Variants in NECAP2 observed in about 807,000 individuals in gnomAD.
NECAP2 encodes NECAP endocytosis associated 2.
In NECAP2, 38 loss-of-function variants were observed where a neutral mutation model predicts 37.8. The ratio of observed to expected loss-of-function variants is 1.01; its 90% CI spans 0.78 to 1.32. The LOEUF is 1.32. NECAP2 is among the 40% of genes most tolerant of loss of function. NECAP2 has a pLI of 0.00. For synonymous variants in NECAP2, 121 were observed against 127.7 expected (o/e 0.95, Z 0.35); for missense variants, 316 against 334.5 (o/e 0.94, Z 0.43).
chr1:16,449,860 A>G (rs942286115), intron 5 of NECAP2: 10 of 212,668 alleles, frequency 4.7e-5, no homozygotes, highest in African/African-American at 2.1e-4. Context: ...TCATAGGAAC[A>G]GGTTGGGCTG....
intron 1 of NECAP2, among the ~76,000 whole-genome samples, chr1:16,443,039 T>G (rs1403666481): frequency 6.6e-6 from 1 of 152,258 alleles, no homozygotes; most frequent in Non-Finnish European, 1.5e-5. Context: ...TTCTGGTGAT[T>G]GTTCCATGCT....
At chr1:16,458,819 C>T in intron 7 of NECAP2, 23 bp from the exon 8 acceptor site, 2 of 1,612,994 alleles carry the variant, frequency 1.2e-6, no homozygotes, top group African/African-American at 2.7e-5. Context: ...ACTCCCCCAC[C>T]CTTCCCTGTC....
At chr1:16,455,915 G>A (rs538462677) in intron 7 of NECAP2, 22 bp downstream of exon 7, 11 of 1,596,170 alleles carry the variant, frequency 6.9e-6, no homozygotes, top group South Asian at 5.5e-5. Context: ...CATGTTCTGC[G>A]GAGGGGCTGG....
intron 7 of NECAP2, among the ~76,000 whole-genome samples, chr1:16,457,763 A>AT (rs1260669668): frequency 3.1e-5 from 4 of 129,926 alleles, no homozygotes; most frequent in African/African-American, 9.2e-5. Context: ...CCTAGGCTGG[A>AT]GTGCAGTGGC....
At chr1:16,452,448 T>C (rs1292346332) in intron 6 of NECAP2, among the ~76,000 whole-genome samples, 1 of 152,070 alleles carries the variant, frequency 6.6e-6, no homozygotes, top group African/African-American at 2.4e-5. Flanking sequence ...AGAGGTGACA[T>C]TGATCTGGAC....
chr1:16,450,248 G>T (rs751543822), intron 5 of NECAP2: 18 of 356,906 alleles, frequency 5.0e-5, no homozygotes, highest in East Asian at 2.6e-4. Flanking sequence ...CCAGGTAGTG[G>T]TTTTTTTTTG....
In NECAP2 at chr1:16,440,739, T is replaced by C. The variant is rs2086676247; in HGVS notation, c.-23T>C. Reference sequence around the variant, plus strand: ...GAGGAACGGTGGAAGTCGCCGGAAGTTCGGTGGGCTCCAGGCGTCGCGATG... The same window carrying C: ...GAGGAACGGTGGAAGTCGCCGGAAGCTCGGTGGGCTCCAGGCGTCGCGATG... On this transcript the variant is annotated 5_prime_UTR_variant, in exon 1 of 8. Coordinates refer to ENST00000337132, the MANE Select transcript of NECAP2 (RefSeq NM_018090.5). 6.2e-7 allele frequency: 1 copy of C among 1,607,874 alleles called. No individual in the cohort carries two copies. The highest frequency in any genetic ancestry group is 1.7e-5 in the Admixed American group (1 of 59,964).
At chr1:16,441,977 G>GCCTTT (rs1169158938) in intron 1 of NECAP2, among the ~76,000 whole-genome samples, 10 of 149,674 alleles carry the variant, frequency 6.7e-5, no homozygotes, top group African/African-American at 2.5e-4. Context: ...CTCCTGTTGG[G>GCCTTT]TCTTTTTTTT....
At position 16,451,874 on chromosome 1, in the gene NECAP2, C is replaced by G; in HGVS notation, c.526C>G (p.Arg176Gly). 6.2e-7 allele frequency: 1 copy of G among 1,614,110 alleles called. No homozygotes were observed. The highest frequency in any genetic ancestry group is 2.2e-5 in the East Asian group (1 of 44,878). ...GAAGGAAGGAGCAGCTGGGAATCCC[C>G]GAGTCCGGCCTGCCAGCACAGGAGG... ...KKKEGAAGNPRVRPASTGGLS... is the reference protein window; with the variant it reads ...KKKEGAAGNPGVRPASTGGLS... The change falls in exon 6 of 8, where the codon CGA (arginine) becomes GGA (glycine). Residue 176 changes from arginine (R) to glycine (G), a missense_variant. Arg to Gly is a moderately radical substitution (Grantham distance 125). Around this residue, in one of 3 missense-constraint regions of NECAP2, gnomAD observed 204 missense variants for 188.6 expected, o/e 1.08. Coordinates refer to ENST00000337132, the MANE Select transcript of NECAP2 (RefSeq NM_018090.5).
At chr1:16,450,309 C>T (rs279779) in intron 5 of NECAP2, 188,775 of 352,536 alleles carry the variant, frequency 0.54, 53,025 homozygotes, top group South Asian at 0.67. Context: ...TTAGGCATTT[C>T]TCATGTGAAT....
chr1:16,450,029 A>C, intron 5 of NECAP2: 1 of 352,222 alleles, frequency 2.8e-6, no homozygotes, highest in South Asian at 2.1e-5. Flanking sequence ...TTGTTTTTTC[A>C]AGAAGCTTTG....
At chr1:16,447,559 C>T (rs1165019386) in intron 2 of NECAP2, among the ~76,000 whole-genome samples, 13 of 152,158 alleles carry the variant, frequency 8.5e-5, no homozygotes, top group Non-Finnish European at 4.4e-5. Flanking sequence ...GGGCTAGCAG[C>T]TCCAACTTAT....
chr1:16,447,258 A>G (rs1410862884), intron 2 of NECAP2, among the ~76,000 whole-genome samples: 1 of 151,798 alleles, frequency 6.6e-6, no homozygotes, highest in Non-Finnish European at 1.5e-5. Context: ...TGGAAATTTT[A>G]TGTTGTGCCG....
At chr1:16,450,079 C>G (rs926784446) in intron 5 of NECAP2, 1 of 406,240 alleles carries the variant, frequency 2.5e-6, no homozygotes, top group Non-Finnish European at 4.9e-6. Flanking sequence ...CTTACTCTTT[C>G]TCCTCTTTTC....
rs199577626 is a variant in NECAP2, at chr1:16,445,741, T to G, written c.193+2009T>G. ...CAATATGGCAAAACCCTGTCTCTAATAAAAATACAAAAATTAGCCAGGCGT... is the reference window on the plus strand; with the variant it reads ...CAATATGGCAAAACCCTGTCTCTAAGAAAAATACAAAAATTAGCCAGGCGT... On this transcript the variant is annotated intron_variant, in intron 2 of 7. Transcript: ENST00000337132. 5.3e-5 allele frequency among the ~76,000 whole-genome samples: 8 copies of G among 152,056 alleles called. No homozygotes were observed. The East Asian group carries it at 1.4e-3, about 26-fold the overall frequency.
intron 2 of NECAP2, among the ~76,000 whole-genome samples, chr1:16,446,092 C>T (rs893168563): frequency 1.3e-5 from 2 of 152,176 alleles, no homozygotes; most frequent in Non-Finnish European, 2.9e-5. Context: ...CCTGTAAACC[C>T]GGCTATTCGG....
intron 2 of NECAP2, among the ~76,000 whole-genome samples, chr1:16,445,711 C>G (rs1370089421): frequency 6.6e-6 from 1 of 152,144 alleles, no homozygotes; most frequent in Non-Finnish European, 1.5e-5. Flanking sequence ...CCAGAGCAGC[C>G]TGGGCAATAT....
rs530812170 is a variant in NECAP2, at chr1:16,449,175, G to T, written c.463G>T (p.Gly155Cys). 6 of 1,612,510 alleles carry T rather than the reference G, an allele frequency of 3.7e-6. No homozygotes were observed. Among genetic ancestry groups the T allele is most frequent in the Non-Finnish European group, 5.1e-6 (6 of 1,179,284 alleles). The change falls in exon 5 of 8, where the codon GGC becomes TGC. Residue 155 changes from glycine (G) to cysteine (C), a missense_variant. Physicochemically the swap from Gly to Cys is radical, Grantham distance 159. Around this residue, in one of 3 missense-constraint regions of NECAP2, gnomAD observed 204 missense variants for 188.6 expected, o/e 1.08. Coordinates refer to ENST00000337132, the MANE Select transcript of NECAP2 (RefSeq NM_018090.5). ...TAAACTGGACCTGGGCTTCAAGGAG[G>T]GCCAGACCATCAAGCTCAACATCGC... ...GPKLDLGFKE[G>C]QTIKLNIANM...
chr1:16,447,156 T>C lies in NECAP2; in HGVS notation c.194-714T>C, dbSNP rs76048488. Among the ~76,000 whole-genome samples the C allele has an allele frequency of 3.4e-3, 521 of 151,674 alleles. 7 individuals are homozygous for C. In the East Asian group the frequency reaches 0.037, roughly 11 times the overall value. On this transcript the variant is annotated intron_variant, in intron 2 of 7. Transcript: ENST00000337132. ...AAGTGCTGGGACCATACCCACTCCATGACCCTGTTTCTAAAAAACAAAACA... is the reference window on the plus strand; with the variant it reads ...AAGTGCTGGGACCATACCCACTCCACGACCCTGTTTCTAAAAAACAAAACA...
Sources: allele counts gnomAD v4.1 joint callset (sites outside exome capture counted in the v4.1 genomes callset), GRCh38; gene constraint gnomAD v4.1.1; regional missense constraint gnomAD v4.1.1; transcripts MANE v1.5; gene names NCBI Gene and HGNC (gene_info 2026-07-23, HGNC 2026-07-21).